NGEF: variants seen among roughly 807,000 people sequenced by gnomAD.
The protein encoded by NGEF is ephexin-1.
Under a neutral mutation model 80.9 loss-of-function variants are expected in NGEF, and 31 were observed. The observed-to-expected ratio is 0.38, with a 90% CI of 0.29 to 0.52. The LOEUF (loss-of-function observed/expected upper bound fraction) is 0.52, where lower values mean the gene tolerates loss of function less well. NGEF is among the 20% of genes least tolerant of loss of function. NGEF has a pLI of 0.84. For missense variants in NGEF, 709 were observed against 926.2 expected (o/e 0.77, Z 3.04); for synonymous variants, 371 against 370.2 (o/e 1.00, Z -0.03).
intron 1 of NGEF, among the ~76,000 whole-genome samples, chr2:232,985,646 G>A (rs1441961494): frequency 6.6e-6 from 1 of 152,114 alleles, no homozygotes; most frequent in Non-Finnish European, 1.5e-5. Flanking sequence ...CCAGCTACTC[G>A]AGAGGCTAAG....
chr2:232,972,437 A>T (rs910997036), intron 2 of NGEF, among the ~76,000 whole-genome samples: 13 of 152,332 alleles, frequency 8.5e-5, no homozygotes, highest in Non-Finnish European at 1.8e-4. Context: ...TGGAAAATTT[A>T]AAATGATGTA....
At chr2:232,913,530 T>C (rs548896185) in intron 5 of NGEF, among the ~76,000 whole-genome samples, 3 of 152,360 alleles carry the variant, frequency 2.0e-5, no homozygotes, top group African/African-American at 4.8e-5. Flanking sequence ...ACAGATGTTA[T>C]GTCTCCCAGT....
chr2:232,974,110 A>C (rs1294606361), intron 2 of NGEF, among the ~76,000 whole-genome samples: 1 of 152,214 alleles, frequency 6.6e-6, no homozygotes, highest in African/African-American at 2.4e-5. Context: ...TGCTCAATGC[A>C]TATATTTTGA....
chr2:232,965,302 A>G (rs909697830), intron 3 of NGEF, among the ~76,000 whole-genome samples: 2 of 152,220 alleles, frequency 1.3e-5, no homozygotes, highest in African/African-American at 4.8e-5. Context: ...ATTTTGCTGT[A>G]TGAGAGCAAA....
chr2:232,893,152 G>T, intron 6 of NGEF, 102 bp from the exon 7 acceptor site: 1 of 1,211,784 alleles, frequency 8.3e-7, no homozygotes, highest in Non-Finnish European at 1.2e-6. Flanking sequence ...ATTGGACATA[G>T]CAGTGTGCAC....
At chr2:232,971,377 G>C (rs1418817913) in intron 2 of NGEF, among the ~76,000 whole-genome samples, 1 of 152,144 alleles carries the variant, frequency 6.6e-6, no homozygotes, top group Non-Finnish European at 1.5e-5. Flanking sequence ...TGACATGAAG[G>C]AGTCACTGTA....
rs371268725 is a variant in NGEF at position 232,927,179 on chromosome 2, A to G, written c.391T>C (p.Ser131Pro). The G allele has an allele frequency of 1.3e-6, 2 of 1,592,340 alleles. No homozygotes were observed. The highest frequency in any genetic ancestry group is 1.7e-6 in the Non-Finnish European group (2 of 1,171,450). Residue 131 changes from serine (S) to proline (P), a missense_variant, in exon 4 of 15, where the codon TCC (serine) becomes CCC (proline). Ser to Pro is a moderately conservative substitution (Grantham distance 74, BLOSUM62 -1). Transcript: ENST00000264051. Reference protein sequence around the residue: ...DPGAQEMSESSSTPGNGATPE... With the variant: ...DPGAQEMSESPSTPGNGATPE... The stretch of plus-strand genomic sequence containing the variant: ...GTGGCCCCATTTCCCGGGGTGGAGG[A>G]CGACTCACTGCCAGAGAGGGAGGAG...
At position 232,995,034 on chromosome 2, in the gene NGEF, G is replaced by A. The variant is rs560135470; in HGVS notation, c.-75+18034C>T. On this transcript the variant is annotated intron_variant, in intron 1 of 14. Coordinates refer to ENST00000264051, the MANE Select transcript of NGEF (RefSeq NM_019850.3). ...ATACATATATGTATACTGTATATAT[G>A]TACAGTATGTATACTGTATATATGT... 6.9e-4 allele frequency among the ~76,000 whole-genome samples: 84 copies of A among 122,376 alleles called. 24 individuals carry two copies. Among genetic ancestry groups the A allele is most frequent in the African/African-American group, 4.6e-3 (74 of 15,944 alleles). The allele number at this position is 122,376 out of a possible 152,430, so 80.3% of individuals were successfully genotyped here.
At chr2:232,942,544 A>G (rs918411916) in intron 3 of NGEF, among the ~76,000 whole-genome samples, 1 of 152,220 alleles carries the variant, frequency 6.6e-6, no homozygotes, top group Non-Finnish European at 1.5e-5. Flanking sequence ...CTCCCTTAAA[A>G]GATGAGTGTA....
chr2:232,986,997 G>C (rs1329131450), intron 1 of NGEF, among the ~76,000 whole-genome samples: 1 of 152,130 alleles, frequency 6.6e-6, no homozygotes, highest in Non-Finnish European at 1.5e-5. Context: ...TGGAGGCATT[G>C]TAAGACACAG....
At chr2:232,891,533 A>C (rs561058267) in intron 7 of NGEF, 46 bp from the exon 8 acceptor site, 3 of 1,587,070 alleles carry the variant, frequency 1.9e-6, no homozygotes, top group African/African-American at 2.7e-5. Context: ...TGCAGGAGGC[A>C]TGAACTGGAG....
chr2:232,981,883 C>T (rs993368881), intron 1 of NGEF, among the ~76,000 whole-genome samples: 1 of 152,224 alleles, frequency 6.6e-6, no homozygotes, highest in Non-Finnish European at 1.5e-5. Flanking sequence ...TGTTTATACA[C>T]CTGCTCGGGA....
intron 6 of NGEF, 40 bp from the exon 7 acceptor site, chr2:232,893,090 G>T: frequency 1.9e-6 from 3 of 1,590,324 alleles, no homozygotes; most frequent in Non-Finnish European, 2.6e-6. Context: ...GTGCCCGGGG[G>T]GTAGGGTGGG....
intron 3 of NGEF, among the ~76,000 whole-genome samples, chr2:232,952,952 CAA>C (rs57549492): frequency 0.23 from 25,268 of 111,734 alleles, 2,482 homozygotes; most frequent in Middle Eastern, 0.31. Flanking sequence ...AGAGTGCAGA[CAA>C]GAGTGAGACA....
rs182785589 is a variant in NGEF, at chr2:232,900,943, G to A, written c.829-6027C>T. Among the ~76,000 whole-genome samples, 338 of 152,298 alleles carry A rather than the reference G, an allele frequency of 2.2e-3. 3 individuals are homozygous for A. The highest frequency in any genetic ancestry group is 0.018 in the Admixed American group (269 of 15,306). The stretch of plus-strand genomic sequence containing the variant: ...GGCTGCTCTGGGGTGGTGACGTCCG[G>A]CGGCCTCAGATCAGCCAGGTCCCGG... On this transcript the variant is annotated intron_variant, in intron 5 of 14. Transcript: ENST00000264051.
chr2:232,969,284 ATTT>A (rs34202680), intron 3 of NGEF, among the ~76,000 whole-genome samples: 3 of 151,522 alleles, frequency 2.0e-5, no homozygotes, highest in South Asian at 2.1e-4. Flanking sequence ...TAGTACAGTG[ATTT>A]TTTTTTTTAA....
chr2:232,940,280 T>C (rs776120258), intron 3 of NGEF, among the ~76,000 whole-genome samples: 7 of 152,256 alleles, frequency 4.6e-5, no homozygotes, highest in Non-Finnish European at 1.0e-4. Context: ...AAAAACACTA[T>C]TTCAAAAGCA....
At chr2:232,885,920 G>A (rs1314565263) in intron 9 of NGEF, among the ~76,000 whole-genome samples, 1 of 152,236 alleles carries the variant, frequency 6.6e-6, no homozygotes, top group African/African-American at 2.4e-5. Flanking sequence ...TGAGAAACAC[G>A]CTCGCCAGCC....
chr2:232,994,503 T>G (rs1694739368), intron 1 of NGEF, among the ~76,000 whole-genome samples: 1 of 152,160 alleles, frequency 6.6e-6, no homozygotes, highest in Non-Finnish European at 1.5e-5. Context: ...CCAAAGGAAT[T>G]AAAGCATTAA....
Sources: gnomAD v4.1 joint callset for allele counts (sites outside exome capture counted in the v4.1 genomes callset) on GRCh38, gnomAD v4.1.1 for gene constraint, MANE v1.5 for transcripts, NCBI Gene and HGNC (gene_info 2026-07-23, HGNC 2026-07-21) for gene names.